The following FUT9 variants were observed in gnomAD, a reference collection of about 807,000 sequenced individuals.
The protein encoded by FUT9 is 4-galactosyl-N-acetylglucosaminide 3-alpha-L-fucosyltransferase 9.
FUT9 carries 15 observed loss-of-function variants against 29.7 expected under a neutral mutation model. The observed-to-expected ratio is 0.51, with a 90% CI of 0.34 to 0.78. The LOEUF (loss-of-function observed/expected upper bound fraction) is 0.78. Ranked by LOEUF, FUT9 falls within the 30% of genes least tolerant of loss-of-function variation. FUT9 has a pLI of 0.01. For synonymous variants in FUT9, 169 were observed against 153.7 expected (o/e 1.10, Z -0.74); for missense variants, 319 against 425.4 (o/e 0.75, Z 2.20).
intron 1 of FUT9, among the ~76,000 whole-genome samples, chr6:96,017,240 TA>T (rs1769996564): frequency 6.6e-6 from 1 of 152,228 alleles, no homozygotes; most frequent in South Asian, 2.1e-4. Flanking sequence ...GTGTAGTGGC[TA>T]AAAGAGCGAT....
chr6:96,049,087 T>C (rs1770617367), intron 1 of FUT9, among the ~76,000 whole-genome samples: 1 of 152,216 alleles, frequency 6.6e-6, no homozygotes, highest in Non-Finnish European at 1.5e-5. Flanking sequence ...ATACTACTTA[T>C]AAATATGAAA....
At chr6:96,121,607 T>C (rs1772029922) in intron 2 of FUT9, among the ~76,000 whole-genome samples, 1 of 152,172 alleles carries the variant, frequency 6.6e-6, no homozygotes, top group South Asian at 2.1e-4. Flanking sequence ...TATCGCTCTA[T>C]AGGTTTTTGA....
intron 2 of FUT9, among the ~76,000 whole-genome samples, chr6:96,116,073 A>AAC (rs1222412199): frequency 2.6e-5 from 4 of 152,154 alleles, no homozygotes; most frequent in Non-Finnish European, 5.9e-5. Context: ...TTGTATCCAT[A>AAC]ATATATAAAA....
At chr6:96,041,126 A>T (rs1770452340) in intron 1 of FUT9, among the ~76,000 whole-genome samples, 1 of 151,020 alleles carries the variant, frequency 6.6e-6, no homozygotes, top group Admixed American at 6.7e-5. Context: ...CATCTTGCAA[A>T]ACACGACTTT....
intron 1 of FUT9, among the ~76,000 whole-genome samples, chr6:96,023,895 A>G (rs944961083): frequency 6.6e-5 from 10 of 151,874 alleles, no homozygotes; most frequent in Admixed American, 3.9e-4. Context: ...GGAAATAGAG[A>G]ACAAGACCAG....
intron 1 of FUT9, among the ~76,000 whole-genome samples, chr6:96,026,997 A>T (rs1346874328): frequency 6.6e-6 from 1 of 151,654 alleles, no homozygotes; most frequent in Non-Finnish European, 1.5e-5. Context: ...TTACTTTCAG[A>T]TATTCCAGAC....
intron 2 of FUT9, among the ~76,000 whole-genome samples, chr6:96,138,912 C>T (rs1225746264): frequency 1.3e-5 from 2 of 152,074 alleles, no homozygotes; most frequent in African/African-American, 4.8e-5. Flanking sequence ...TTGACACCAG[C>T]AAGGCAGAGA....
chr6:96,166,105 CAAAA>C (rs1172820368), intron 2 of FUT9, among the ~76,000 whole-genome samples: 1 of 149,078 alleles, frequency 6.7e-6, no homozygotes, highest in Non-Finnish European at 1.5e-5. Context: ...ATTTTTAAAA[CAAAA>C]GAGAGAGAGA....
At chr6:96,078,564 G>A (rs1385583549) in intron 1 of FUT9, among the ~76,000 whole-genome samples, 1 of 151,432 alleles carries the variant, frequency 6.6e-6, no homozygotes, top group Non-Finnish European at 1.5e-5. Flanking sequence ...GGGACTACAG[G>A]CACATGCCAC....
At chr6:96,102,363 C>A (rs1172514421) in intron 1 of FUT9, among the ~76,000 whole-genome samples, 3 of 151,850 alleles carry the variant, frequency 2.0e-5, no homozygotes, top group Non-Finnish European at 4.4e-5. Flanking sequence ...TAGGTCATTG[C>A]CATTAATTTA....
At chr6:96,079,172 A>G (rs776605034) in intron 1 of FUT9, among the ~76,000 whole-genome samples, 34 of 152,294 alleles carry the variant, frequency 2.2e-4, no homozygotes, top group Non-Finnish European at 4.3e-4. Flanking sequence ...ACATTTTCAA[A>G]GGTGGGGAAG....
chr6:96,117,176 A>T (rs1266467195), intron 2 of FUT9, among the ~76,000 whole-genome samples: 2 of 152,168 alleles, frequency 1.3e-5, no homozygotes, highest in East Asian at 3.8e-4. Flanking sequence ...ATTTTAGTTG[A>T]TTTTTTTCAA....
chr6:96,117,252 T>A (rs561084133), intron 2 of FUT9, among the ~76,000 whole-genome samples: 1 of 152,282 alleles, frequency 6.6e-6, no homozygotes, highest in South Asian at 2.1e-4. Flanking sequence ...CATAAGTAAA[T>A]AAATTATAGA....
intron 1 of FUT9, among the ~76,000 whole-genome samples, chr6:96,042,854 T>C (rs1770488393): frequency 6.6e-6 from 1 of 152,190 alleles, no homozygotes; most frequent in Non-Finnish European, 1.5e-5. Flanking sequence ...GAGCAGGTAA[T>C]TATTAAGACT....
At chr6:96,137,258 G>A (rs1772365428) in intron 2 of FUT9, among the ~76,000 whole-genome samples, 1 of 151,908 alleles carries the variant, frequency 6.6e-6, no homozygotes, top group South Asian at 2.1e-4. Context: ...TTTGAGTAAC[G>A]CATAAAGGAG....
chr6:96,078,842 T>C (rs538187013), intron 1 of FUT9, among the ~76,000 whole-genome samples: 2 of 152,310 alleles, frequency 1.3e-5, no homozygotes, highest in South Asian at 4.1e-4. Flanking sequence ...ATATATTTCA[T>C]TTACCGTGAT....
At chr6:96,059,347 C>T (rs923704504) in intron 1 of FUT9, among the ~76,000 whole-genome samples, 1 of 152,152 alleles carries the variant, frequency 6.6e-6, no homozygotes, top group Non-Finnish European at 1.5e-5. Context: ...GTGCTGACTC[C>T]ACGTGAGGTC....
At chr6:96,116,017 GA>G (rs1177525305) in intron 2 of FUT9, among the ~76,000 whole-genome samples, 1 of 152,052 alleles carries the variant, frequency 6.6e-6, no homozygotes, top group East Asian at 1.9e-4. Flanking sequence ...TTAAAAGAAT[GA>G]AAATATAGGC....
chr6:96,089,096 G>C (rs1180380587), intron 1 of FUT9, among the ~76,000 whole-genome samples: 2 of 152,100 alleles, frequency 1.3e-5, no homozygotes, highest in Non-Finnish European at 2.9e-5. Flanking sequence ...TCTTTGATCG[G>C]AATACAAACT....
Sources: gnomAD v4.1 joint callset for allele counts (sites outside exome capture counted in the v4.1 genomes callset) on GRCh38, gnomAD v4.1.1 for gene constraint, MANE v1.5 for transcripts, NCBI Gene and HGNC (gene_info 2026-07-23, HGNC 2026-07-21) for gene names.